The following SAMD5 variants were observed in gnomAD, a reference collection of about 807,000 sequenced individuals.
SAMD5 encodes sterile alpha motif domain-containing protein 5.
A neutral mutation model predicts 11.3 loss-of-function variants in SAMD5; 13 were observed. The observed-to-expected ratio is 1.15, with a 90% CI of 0.75 to 1.83. The LOEUF (loss-of-function observed/expected upper bound fraction) is 1.83. Ranked by LOEUF, SAMD5 falls within the 40% of genes most tolerant of loss-of-function variation. The probability of loss-of-function intolerance (pLI) is 0.00; values close to 1 mark genes in which losing one functional copy is unlikely to be tolerated. For synonymous variants in SAMD5, 129 were observed against 111.3 expected (o/e 1.16, Z -1.00); for missense variants, 255 against 239.1 (o/e 1.07, Z -0.44).
the SAMD5 span, among the ~76,000 whole-genome samples, chr6:147,952,194 A>G: frequency 1.2e-4 from 18 of 152,284 alleles, no homozygotes; most frequent in East Asian, 9.7e-4. Flanking sequence ...CAAAATTGCC[A>G]TCTTTATGTG....
At chr6:147,879,542 AC>A in the SAMD5 span, among the ~76,000 whole-genome samples, 1 of 152,176 alleles carries the variant, frequency 6.6e-6, no homozygotes, top group African/African-American at 2.4e-5. Flanking sequence ...TATGTATTTC[AC>A]CTTGAGAATT....
intron 1 of SAMD5, among the ~76,000 whole-genome samples, chr6:147,536,204 C>T (rs1468159213): frequency 6.6e-6 from 1 of 152,060 alleles, no homozygotes. Flanking sequence ...AGGATGGTCT[C>T]AATCTCCTGA....
the SAMD5 span, among the ~76,000 whole-genome samples, chr6:147,801,746 G>A: frequency 6.6e-6 from 1 of 152,144 alleles, no homozygotes; most frequent in Non-Finnish European, 1.5e-5. Flanking sequence ...CTGTGGTATT[G>A]GCATTAAAGT....
intron 1 of SAMD5, among the ~76,000 whole-genome samples, chr6:147,669,342 T>C (rs1395643602): frequency 6.6e-6 from 1 of 151,828 alleles, no homozygotes; most frequent in Non-Finnish European, 1.5e-5. Flanking sequence ...CTTGACTCAT[T>C]CATAAGAAGC....
At chr6:147,678,879 C>T (rs551218782) in intron 1 of SAMD5, among the ~76,000 whole-genome samples, 4 of 152,212 alleles carry the variant, frequency 2.6e-5, no homozygotes, top group African/African-American at 9.6e-5. Context: ...CAGGTGTATA[C>T]CCATGAAACC....
the SAMD5 span, among the ~76,000 whole-genome samples, chr6:147,905,545 A>C: frequency 6.6e-6 from 1 of 152,216 alleles, no homozygotes; most frequent in Non-Finnish European, 1.5e-5. Context: ...AAAACAAAAA[A>C]ACAAAATCAC....
chr6:147,524,875 C>T (rs544526900), intron 1 of SAMD5, among the ~76,000 whole-genome samples: 6 of 152,136 alleles, frequency 3.9e-5, no homozygotes, highest in African/African-American at 4.8e-5. Flanking sequence ...TTCCTTCAAT[C>T]CTCACAGCAA....
intron 1 of SAMD5, among the ~76,000 whole-genome samples, chr6:147,628,240 A>G (rs1166328593): frequency 6.6e-6 from 1 of 152,190 alleles, no homozygotes; most frequent in African/African-American, 2.4e-5. Context: ...ATGAATTACA[A>G]TCTAATATAC....
chr6:147,721,813 A>G lies in SAMD5; in HGVS notation c.163-15504A>G, dbSNP rs148101558. ...GTTGAAAGTTTTATACAATTGCACC[A>G]TTTCCTCAATATAGTTTATATCCAA... On this transcript the variant is annotated intron_variant, in intron 1 of 1. Coordinates refer to the SAMD5 transcript ENST00000566741. Among the ~76,000 whole-genome samples the G allele has an allele frequency of 6.8e-3, 1,037 of 152,276 alleles. 11 individuals are homozygous for G. Among genetic ancestry groups the G allele is most frequent in the African/African-American group, 0.024 (991 of 41,566 alleles).
the SAMD5 span, among the ~76,000 whole-genome samples, chr6:147,934,764 T>C: frequency 5.9e-5 from 9 of 152,072 alleles, no homozygotes; most frequent in African/African-American, 2.2e-4. Context: ...GTGGATTAGC[T>C]AGTTTGAAGA....
At chr6:147,529,816 T>C (rs1456112024) in intron 1 of SAMD5, among the ~76,000 whole-genome samples, 2 of 152,216 alleles carry the variant, frequency 1.3e-5, no homozygotes, top group Non-Finnish European at 2.9e-5. Context: ...CTTACAAATA[T>C]TTTGTACTAT....
chr6:147,830,254 T>TTTTTTTTTTTTTTTTTTTTTTTG, the SAMD5 span, among the ~76,000 whole-genome samples: 1 of 78,524 alleles, frequency 1.3e-5, no homozygotes, highest in Non-Finnish European at 2.5e-5. Flanking sequence ...TTTCTTTCTT[T>TTTTTTTTTTTTTTTTTTTTTTTG]TTTTTTTTTT....
At position 147,631,213 on chromosome 6, in the gene SAMD5, T is replaced by A. The variant is rs143666092; in HGVS notation, c.163-106104T>A. On this transcript the variant is annotated intron_variant, in intron 1 of 1. Coordinates refer to the SAMD5 transcript ENST00000566741. ...ATAGAATGATTGGTGATGGCCTGGATACGGTTTTGGATGAATTGAGAAACT... is the reference window on the plus strand; with the variant it reads ...ATAGAATGATTGGTGATGGCCTGGAAACGGTTTTGGATGAATTGAGAAACT... Among the ~76,000 whole-genome samples the A allele has an allele frequency of 2.2e-4, 34 of 152,232 alleles. No individual in the cohort carries two copies. In the East Asian group the frequency reaches 6.4e-3, roughly 29 times the overall value.
At chr6:147,651,262 T>C (rs1308494840) in intron 1 of SAMD5, among the ~76,000 whole-genome samples, 1 of 152,220 alleles carries the variant, frequency 6.6e-6, no homozygotes, top group Non-Finnish European at 1.5e-5. Flanking sequence ...CCAGCTCGCA[T>C]TGTAGGAACA....
At chr6:147,607,475 AAC>A (rs1174327202) in intron 1 of SAMD5, among the ~76,000 whole-genome samples, 1 of 152,166 alleles carries the variant, frequency 6.6e-6, no homozygotes. Flanking sequence ...TGGCATTAAA[AAC>A]AGACACATAG....
At chr6:147,685,034 T>C (rs1056138614) in intron 1 of SAMD5, among the ~76,000 whole-genome samples, 8 of 152,226 alleles carry the variant, frequency 5.3e-5, no homozygotes, top group Admixed American at 5.2e-4. Flanking sequence ...TGGATAGGGC[T>C]TGCCTTCTCA....
intron 1 of SAMD5, among the ~76,000 whole-genome samples, chr6:147,606,355 A>G (rs753196896): frequency 6.6e-6 from 1 of 152,016 alleles, no homozygotes; most frequent in Non-Finnish European, 1.5e-5. Flanking sequence ...CTTCTTGGCA[A>G]ATGTTGAGGC....
the SAMD5 span, among the ~76,000 whole-genome samples, chr6:147,881,384 T>G: frequency 6.6e-6 from 1 of 152,110 alleles, no homozygotes; most frequent in African/African-American, 2.4e-5. Context: ...GCGTCAAGGT[T>G]CCCCGCGGCA....
chr6:147,803,623 C>A, the SAMD5 span, among the ~76,000 whole-genome samples: 1 of 152,330 alleles, frequency 6.6e-6, no homozygotes, highest in Admixed American at 6.5e-5. Context: ...CCCATGCTAT[C>A]TTTGTAACAG....
Sources: allele counts gnomAD v4.1 joint callset (sites outside exome capture counted in the v4.1 genomes callset), GRCh38; gene constraint gnomAD v4.1.1; transcripts MANE v1.5; gene names NCBI Gene and HGNC (gene_info 2026-07-23, HGNC 2026-07-21).